STPG4: variants seen among roughly 807,000 people sequenced by gnomAD.
The protein encoded by STPG4 is protein STPG4.
A neutral mutation model predicts 31.5 loss-of-function variants in STPG4; 41 were observed. The ratio of observed to expected loss-of-function variants is 1.30; its 90% CI spans 1.01 to 1.69. The LOEUF (loss-of-function observed/expected upper bound fraction) is 1.69, where lower values mean the gene tolerates loss of function less well. STPG4 is among the 40% of genes most tolerant of loss of function. The pLI, the probability that STPG4 is intolerant of heterozygous loss-of-function variation, is 0.00. For missense variants in STPG4, 375 were observed against 293.4 expected, an observed-to-expected ratio of 1.28 and a Z score of -2.03; for synonymous variants, 141 against 103.0, an observed-to-expected ratio of 1.37 and a Z score of -2.24.
At chr2:47,096,492 G>A (rs1250063373) in intron 5 of STPG4, among the ~76,000 whole-genome samples, 1 of 152,208 alleles carries the variant, frequency 6.6e-6, no homozygotes, top group Admixed American at 6.5e-5. Context: ...TAACTGGACT[G>A]TGCTGATTTA....
intron 3 of STPG4, among the ~76,000 whole-genome samples, chr2:47,138,061 C>G (rs1022623537): frequency 7.2e-5 from 11 of 152,068 alleles, no homozygotes; most frequent in African/African-American, 9.7e-5. Context: ...AAGGTGCAGA[C>G]TTACATGATT....
intron 5 of STPG4, among the ~76,000 whole-genome samples, chr2:47,100,153 C>A (rs1223282249): frequency 6.6e-6 from 1 of 152,124 alleles, no homozygotes; most frequent in African/African-American, 2.4e-5. Context: ...GCTCCACCTG[C>A]AGCCCTGGTG....
rs57475505 is a variant in STPG4 at position 47,127,252 on chromosome 2, C to CTTTTTTTTTTTTTTTTTTTT, written c.519+2669_519+2688dup. Among the ~76,000 whole-genome samples, 10 of 57,456 alleles carry CTTTTTTTTTTTTTTTTTTTT rather than the reference C, an allele frequency of 1.7e-4. 2 individuals are homozygous for CTTTTTTTTTTTTTTTTTTTT. Among genetic ancestry groups the CTTTTTTTTTTTTTTTTTTTT allele is most frequent in the African/African-American group, 5.2e-4 (5 of 9,662 alleles). 37.7% of individuals were successfully genotyped at this position (57,456 alleles called of 152,430 possible). A position where few individuals can be genotyped will look rare whatever the true frequency, so the allele number is the denominator to read the frequency against. ...CAAATAGCTTGTCTTCAAGCTAATTCTTTTTTTTTTTTTTTTTTTTTTTTT... is the reference window on the plus strand; with the variant it reads ...CAAATAGCTTGTCTTCAAGCTAATTCTTTTTTTTTTTTTTTTTTTTTTTTTTTTTTTTTTTTTTTTTTTTT... On this transcript the variant is annotated intron_variant, in intron 5 of 6. Coordinates refer to ENST00000445927, the MANE Select transcript of STPG4 (RefSeq NM_001163561.2).
chr2:47,155,072 GA>G, intron 1 of STPG4, 98 bp downstream of exon 1: 1 of 1,122,294 alleles, frequency 8.9e-7, no homozygotes, highest in Non-Finnish European at 1.3e-6. Context: ...GAGGGAACGA[GA>G]GCGGCACGAA....
intron 5 of STPG4, among the ~76,000 whole-genome samples, chr2:47,098,448 C>G (rs549633200): frequency 6.6e-6 from 1 of 152,270 alleles, no homozygotes; most frequent in African/African-American, 2.4e-5. Flanking sequence ...GGAGCCAGAA[C>G]CAGTTACTGG....
chr2:47,136,766 A>C (rs1426240671), intron 3 of STPG4, among the ~76,000 whole-genome samples: 1 of 152,192 alleles, frequency 6.6e-6, no homozygotes, highest in African/African-American at 2.4e-5. Context: ...GTGTTTTAAA[A>C]TTCAAATTCC....
At chr2:47,108,987 A>C (rs1354780844) in intron 5 of STPG4, among the ~76,000 whole-genome samples, 2 of 152,262 alleles carry the variant, frequency 1.3e-5, no homozygotes, top group Admixed American at 1.3e-4. Context: ...TAACGTGCCA[A>C]GGTTATAGGC....
At chr2:47,154,937 G>A (rs1033084056) in intron 1 of STPG4, among the ~76,000 whole-genome samples, 8 of 152,076 alleles carry the variant, frequency 5.3e-5, no homozygotes, top group African/African-American at 1.9e-4. Context: ...AACAAAGGGC[G>A]AAGGAGAAGG....
At chr2:47,104,620 C>T (rs769239465) in intron 5 of STPG4, among the ~76,000 whole-genome samples, 1 of 151,942 alleles carries the variant, frequency 6.6e-6, no homozygotes, top group African/African-American at 2.4e-5. Flanking sequence ...AGTCTTGCCC[C>T]AGGGGTTTAG....
chr2:47,151,919 GTTTT>G (rs71245620), intron 2 of STPG4, among the ~76,000 whole-genome samples: 15,275 of 74,578 alleles, frequency 0.2, 1,365 homozygotes, highest in South Asian at 0.43. Context: ...TTTTTGTTTT[GTTTT>G]TTTTTTTTTT....
chr2:47,138,544 ACCATG>A (rs953066286), intron 3 of STPG4, among the ~76,000 whole-genome samples: 2 of 151,874 alleles, frequency 1.3e-5, no homozygotes, highest in African/African-American at 4.8e-5. Flanking sequence ...GGCACCCGCC[ACCATG>A]CCTGGTTAAT....
At chr2:47,142,807 C>T (rs1256165724) in intron 3 of STPG4, among the ~76,000 whole-genome samples, 1 of 146,588 alleles carries the variant, frequency 6.8e-6, no homozygotes, top group Non-Finnish European at 1.5e-5. Flanking sequence ...AGAGATGCTT[C>T]CATATCAACA....
intron 5 of STPG4, chr2:47,108,530 A>C (rs1392252782): frequency 5.8e-6 from 1 of 171,400 alleles, no homozygotes; most frequent in Non-Finnish European, 1.2e-5. Flanking sequence ...GCGAGTGTCC[A>C]CGGCTTCATT....
intron 5 of STPG4, among the ~76,000 whole-genome samples, chr2:47,097,956 A>G (rs984277073): frequency 2.4e-4 from 30 of 126,494 alleles, no homozygotes; most frequent in Middle Eastern, 7.7e-3. Flanking sequence ...CATCTCTTAA[A>G]AAAAAAAAAA....
chr2:47,098,296 A>G lies in STPG4; in HGVS notation c.520-7922T>C, dbSNP rs187752131. On this transcript the variant is annotated intron_variant, in intron 5 of 6. Coordinates refer to ENST00000445927, the MANE Select transcript of STPG4 (RefSeq NM_001163561.2). Reference sequence around the variant, plus strand: ...GCTGCCCCTCCCTGCAGCCATCTCTACTTCACAGCATTCTTTCATACACCT... The same window carrying G: ...GCTGCCCCTCCCTGCAGCCATCTCTGCTTCACAGCATTCTTTCATACACCT... Among the ~76,000 whole-genome samples, 759 of 152,292 alleles carry G rather than the reference A, an allele frequency of 5.0e-3. 6 individuals are homozygous for G. The highest frequency in any genetic ancestry group is 0.017 in the African/African-American group (716 of 41,570).
intron 5 of STPG4, among the ~76,000 whole-genome samples, chr2:47,118,229 C>T (rs953983313): frequency 6.6e-6 from 1 of 152,150 alleles, no homozygotes; most frequent in African/African-American, 2.4e-5. Flanking sequence ...GCCTGAGCTC[C>T]AGCTCCTATC....
chr2:47,089,441 G>T (rs1439914097), intron 6 of STPG4, among the ~76,000 whole-genome samples: 1 of 152,166 alleles, frequency 6.6e-6, no homozygotes, highest in Non-Finnish European at 1.5e-5. Flanking sequence ...CCAGGCAGTG[G>T]CAGTACTAGT....
At chr2:47,132,189 A>G (rs945807337) in intron 3 of STPG4, among the ~76,000 whole-genome samples, 3 of 151,588 alleles carry the variant, frequency 2.0e-5, no homozygotes, top group African/African-American at 7.3e-5. Flanking sequence ...ATAGGAAGAT[A>G]TGTGAAGGAA....
Position 47,151,459 on chromosome 2 carries a change from T to TAATAGGGATTC in STPG4, c.187_197dup (p.Val69TyrfsTer2), listed in dbSNP as rs777593209. ...AATTGTAGGTTGCTATCACTGGATTTAATAGGGATTCTTCAATAAAAGTTT... is the reference window on the plus strand; with the variant it reads ...AATTGTAGGTTGCTATCACTGGATTTAATAGGGATTCAATAGGGATTCTTCAATAAAAGTTT... On this transcript the variant is annotated frameshift_variant, in exon 3 of 7. Coordinates refer to ENST00000445927, the MANE Select transcript of STPG4 (RefSeq NM_001163561.2). LOFTEE classifies it high-confidence loss of function. The TAATAGGGATTC allele has an allele frequency of 3.8e-5, 62 of 1,613,872 alleles. No individual in the cohort carries two copies. The highest frequency in any genetic ancestry group is 4.6e-5 in the Non-Finnish European group (54 of 1,179,838).
Sources: gnomAD v4.1 joint callset for allele counts (sites outside exome capture counted in the v4.1 genomes callset) on GRCh38, gnomAD v4.1.1 for gene constraint, MANE v1.5 for transcripts, NCBI Gene and HGNC (gene_info 2026-07-23, HGNC 2026-07-21) for gene names.